OPRPN: variants seen among roughly 807,000 people sequenced by gnomAD.
OPRPN encodes the protein basic proline-rich lacrimal protein.
OPRPN carries 1 observed loss-of-function variant against 2.2 expected under a neutral mutation model. The observed-to-expected ratio is 0.45, with a 90% confidence interval of 0.16 to 2.15. The LOEUF is 2.15. OPRPN is among the 30% of genes most tolerant of loss of function. OPRPN has a pLI of 0.28. For missense variants in OPRPN, 306 were observed against 297.3 expected (o/e 1.03, Z -0.21); for synonymous variants, 126 against 111.5 (o/e 1.13, Z -0.82).
At chr4:70,405,395 C>A (rs1163903019) in intron 2 of OPRPN, among the ~76,000 whole-genome samples, 3 of 152,150 alleles carry the variant, frequency 2.0e-5, no homozygotes, top group Non-Finnish European at 4.4e-5. Flanking sequence ...TGCTTAGGGT[C>A]CAGAGAGCAG....
In OPRPN at chr4:70,409,710, C is replaced by T; in HGVS notation, c.382C>T (p.Pro128Ser). The change falls in exon 3 of 3, where the codon CCT becomes TCT. Residue 128 changes from proline to serine, a missense_variant. Pro to Ser is a moderately conservative substitution (Grantham distance 74). Transcript: ENST00000399575. ...ATTAAAACCCCCATTTCCTCCTATT[C>T]CTTTTTTTCTTGCTATTTACCTTCC... is the stretch of plus-strand genomic sequence containing the variant. ...RILKPPFPPI[P>S]FFLAIYLPIS... The T allele has an allele frequency of 5.0e-6, 8 of 1,613,530 alleles. No homozygotes were observed. The highest frequency in any genetic ancestry group is 1.1e-5 in the South Asian group (1 of 91,046).
Position 70,409,745 on chromosome 4 carries a change from C to A in OPRPN, c.417C>A (p.Asn139Lys), listed in dbSNP as rs1329393104. The A allele has an allele frequency of 6.2e-7, 1 of 1,613,686 alleles. No homozygotes were observed. The highest frequency in any genetic ancestry group is 1.1e-5 in the South Asian group (1 of 91,048). Residue 139 changes from asparagine (N) to lysine (K), a missense_variant, in exon 3 of 3, where the codon AAC becomes AAA. Transcript: ENST00000399575. ...TTGCTATTTACCTTCCTATCTCTAA[C>A]CCTGAGCCCCAAATAAACATCACCA... The part of the protein sequence containing the change: ...FFLAIYLPIS[N>K]PEPQINITTA...
chr4:70,407,105 A>G (rs1402129776), intron 2 of OPRPN, among the ~76,000 whole-genome samples: 4 of 152,106 alleles, frequency 2.6e-5, no homozygotes, highest in South Asian at 2.1e-4. Context: ...CTTAGTTTGC[A>G]CGTGGCCCTT....
chr4:70,405,485 T>G (rs1361189540), intron 2 of OPRPN, among the ~76,000 whole-genome samples: 1 of 152,202 alleles, frequency 6.6e-6, no homozygotes, highest in African/African-American at 2.4e-5. Flanking sequence ...TTTCCTTCAC[T>G]GGCTGCTCAC....
intron 2 of OPRPN, among the ~76,000 whole-genome samples, chr4:70,400,715 A>G (rs1732959321): frequency 6.6e-6 from 1 of 152,022 alleles, no homozygotes. Context: ...GGTAAATTCA[A>G]CTTAAATCAA....
rs201259916 is a variant in OPRPN at position 70,409,915 on chromosome 4, C to T, written c.587C>T (p.Thr196Ile). The change falls in exon 3 of 3, where the codon ACC (threonine) becomes ATC (isoleucine). Residue 196 changes from threonine to isoleucine, a missense_variant. Transcript: ENST00000399575. Reference sequence around the variant, plus strand: ...CCTGCCACCTCCATATCAGCAGCAACCCCCGCAGCATCTACTGAAAATACT... The same window carrying T: ...CCTGCCACCTCCATATCAGCAGCAATCCCCGCAGCATCTACTGAAAATACT... ...PEPATSISAA[T>I]PAASTENTTQ... 1.6e-5 allele frequency: 26 copies of T among 1,613,340 alleles called. No individual in the cohort carries two copies. The East Asian group carries it at 4.2e-4, about 26-fold the overall frequency.
chr4:70,407,106 C>T (rs548047831), intron 2 of OPRPN, among the ~76,000 whole-genome samples: 2 of 152,242 alleles, frequency 1.3e-5, no homozygotes, highest in East Asian at 3.9e-4. Context: ...TTAGTTTGCA[C>T]GTGGCCCTTA....
At chr4:70,407,679 C>A (rs1013491794) in intron 2 of OPRPN, among the ~76,000 whole-genome samples, 7 of 152,094 alleles carry the variant, frequency 4.6e-5, no homozygotes, top group African/African-American at 1.7e-4. Context: ...GAATGAGATT[C>A]TTTAATACAT....
chr4:70,400,167 T>C (rs190780029), intron 2 of OPRPN, among the ~76,000 whole-genome samples: 1 of 152,034 alleles, frequency 6.6e-6, no homozygotes, highest in Non-Finnish European at 1.5e-5. Context: ...TAGTAATTAC[T>C]GATAATCCAC....
intron 2 of OPRPN, among the ~76,000 whole-genome samples, chr4:70,400,346 G>A (rs970769359): frequency 3.4e-4 from 51 of 151,770 alleles, no homozygotes; most frequent in African/African-American, 1.1e-3. Context: ...ATAAAGTAAC[G>A]TTATTTTTCT....
At chr4:70,402,301 T>C (rs1004479346) in intron 2 of OPRPN, among the ~76,000 whole-genome samples, 1 of 151,990 alleles carries the variant, frequency 6.6e-6, no homozygotes, top group Non-Finnish European at 1.5e-5. Context: ...GCAAATAACA[T>C]TTTGAGTAAC....
chr4:70,406,502 A>T (rs983901068), intron 2 of OPRPN, among the ~76,000 whole-genome samples: 1 of 152,226 alleles, frequency 6.6e-6, no homozygotes, highest in Non-Finnish European at 1.5e-5. Flanking sequence ...TTTCTGTACA[A>T]TTCTTTTAAT....
chr4:70,406,735 T>A (rs1038709803), intron 2 of OPRPN, among the ~76,000 whole-genome samples: 1 of 152,088 alleles, frequency 6.6e-6, no homozygotes, highest in East Asian at 1.9e-4. Context: ...AAAGATGAGA[T>A]TGGATGGCGG....
At chr4:70,404,677 A>G (rs1033237490) in intron 2 of OPRPN, among the ~76,000 whole-genome samples, 2 of 152,202 alleles carry the variant, frequency 1.3e-5, no homozygotes, top group African/African-American at 2.4e-5. Context: ...AAATATTGCC[A>G]TATCATTCCT....
intron 2 of OPRPN, among the ~76,000 whole-genome samples, chr4:70,400,142 A>G (rs1011744603): frequency 6.6e-6 from 1 of 151,894 alleles, no homozygotes; most frequent in East Asian, 1.9e-4. Flanking sequence ...AAAGAGCCCT[A>G]TTTATCTCAT....
Position 70,409,784 on chromosome 4 carries a change from A to T in OPRPN, c.456A>T (p.Thr152=). 3 of 1,613,582 alleles carry T rather than the reference A, an allele frequency of 1.9e-6. No homozygotes were observed. In the South Asian group the frequency reaches 3.3e-5, roughly 18 times the overall value. The change falls in exon 3 of 3, where the codon ACA becomes ACT. Residue 152 remains threonine, a synonymous_variant. Transcript: ENST00000399575. ...TAAACATCACCACCGCAGATACAACAATCACCACAAATCCCCCCACCACTG... is the reference window on the plus strand; with the variant it reads ...TAAACATCACCACCGCAGATACAACTATCACCACAAATCCCCCCACCACTG... ...PQINITTADT[T]ITTNPPTTAT...
chr4:70,405,836 G>C (rs761735211), intron 2 of OPRPN, among the ~76,000 whole-genome samples: 5 of 152,066 alleles, frequency 3.3e-5, no homozygotes, highest in Non-Finnish European at 5.9e-5. Context: ...GGCCAAGGCA[G>C]GTGGATTGCT....
chr4:70,410,041 G>A lies in OPRPN; in HGVS notation c.713G>A (p.Ser238Asn). Residue 238 changes from serine to asparagine, a missense_variant, in exon 3 of 3, where the codon AGT becomes AAT. Coordinates refer to ENST00000399575, the MANE Select transcript of OPRPN (RefSeq NM_021225.5). ...QTILSSPAFKSFWQKLFAIFG is the reference protein window; with the variant it reads ...QTILSSPAFKNFWQKLFAIFG The stretch of plus-strand genomic sequence containing the variant: ...ATATTAAGCAGCCCAGCCTTTAAAA[G>A]TTTTTGGCAAAAACTCTTTGCCATT... 1 of 1,563,638 alleles carries A rather than the reference G, an allele frequency of 6.4e-7. No homozygotes were observed. The highest frequency in any genetic ancestry group is 2.0e-5 in the Admixed American group (1 of 49,296).
chr4:70,407,363 G>A (rs1350138987), intron 2 of OPRPN, among the ~76,000 whole-genome samples: 4 of 152,184 alleles, frequency 2.6e-5, no homozygotes, highest in Non-Finnish European at 5.9e-5. Flanking sequence ...TATGTTACAA[G>A]AATAAAAGGT....
Sources: gnomAD v4.1 joint callset for allele counts (sites outside exome capture counted in the v4.1 genomes callset) on GRCh38, gnomAD v4.1.1 for gene constraint, MANE v1.5 for transcripts, NCBI Gene and HGNC (gene_info 2026-07-23, HGNC 2026-07-21) for gene names.